ANKRD28: variants seen among roughly 807,000 people sequenced by gnomAD.
ANKRD28 encodes serine/threonine-protein phosphatase 6 regulatory ankyrin repeat subunit A.
A neutral mutation model predicts 126.5 loss-of-function variants in ANKRD28; 44 were observed. That is an observed-to-expected ratio of 0.35 (90% CI 0.27 to 0.45). The LOEUF (loss-of-function observed/expected upper bound fraction) is 0.45, where lower values mean the gene tolerates loss of function less well. ANKRD28 is among the 20% of genes least tolerant of loss of function. The pLI, the probability that ANKRD28 is intolerant of heterozygous loss-of-function variation, is 1.00. For synonymous variants in ANKRD28, 442 were observed against 468.5 expected, an observed-to-expected ratio of 0.94 and a Z score of 0.73; for missense variants, 1,110 against 1,316.6, an observed-to-expected ratio of 0.84 and a Z score of 2.43.
intron 8 of ANKRD28, among the ~76,000 whole-genome samples, chr3:15,720,462 T>C (rs2073594999): frequency 6.6e-6 from 1 of 152,210 alleles, no homozygotes. Context: ...AAACACAACA[T>C]TAACTAGGGT....
chr3:15,684,044 A>G (rs1020710618), intron 21 of ANKRD28: 3 of 152,156 alleles, frequency 2.0e-5, no homozygotes, highest in African/African-American at 7.2e-5. Context: ...CATAATTAAC[A>G]TTAATCTTGA....
At chr3:15,680,935 G>A (rs1337823948) in intron 21 of ANKRD28, among the ~76,000 whole-genome samples, 1 of 152,160 alleles carries the variant, frequency 6.6e-6, no homozygotes, top group Non-Finnish European at 1.5e-5. Context: ...CTAAAATGCT[G>A]GGATTACAGG....
intron 8 of ANKRD28, among the ~76,000 whole-genome samples, chr3:15,718,130 T>C (rs944809776): frequency 6.6e-6 from 1 of 152,174 alleles, no homozygotes; most frequent in African/African-American, 2.4e-5. Context: ...ATATATATTC[T>C]TGCTGGATGA....
chr3:15,765,458 G>T (rs1243547825), intron 3 of ANKRD28, among the ~76,000 whole-genome samples: 1 of 151,878 alleles, frequency 6.6e-6, no homozygotes, highest in South Asian at 2.1e-4. Context: ...TGTTGTATTT[G>T]CTATAAACCA....
chr3:15,715,216 A>G (rs1191133345), intron 8 of ANKRD28, among the ~76,000 whole-genome samples: 1 of 152,202 alleles, frequency 6.6e-6, no homozygotes, highest in Non-Finnish European at 1.5e-5. Flanking sequence ...GATTTAGGTT[A>G]TCTTTTCTTC....
intron 1 of ANKRD28, among the ~76,000 whole-genome samples, chr3:15,835,804 T>C (rs557565830): frequency 6.6e-6 from 1 of 152,242 alleles, no homozygotes; most frequent in East Asian, 1.9e-4. Flanking sequence ...TCAGGGGATA[T>C]AGATGAAAGA....
At chr3:15,840,244 T>G (rs1214417270) in intron 1 of ANKRD28, among the ~76,000 whole-genome samples, 1 of 152,244 alleles carries the variant, frequency 6.6e-6, no homozygotes, top group Non-Finnish European at 1.5e-5. Flanking sequence ...CATTTCTATA[T>G]GCTAACAGCA....
chr3:15,762,649 C>T (rs1444648747), intron 3 of ANKRD28, among the ~76,000 whole-genome samples: 3 of 151,574 alleles, frequency 2.0e-5, no homozygotes, highest in East Asian at 1.9e-4. Flanking sequence ...AAACTGACAG[C>T]GGAGAATTTT....
intron 1 of ANKRD28, among the ~76,000 whole-genome samples, chr3:15,805,700 T>C (rs896017966): frequency 9.9e-5 from 15 of 152,208 alleles, no homozygotes; most frequent in Non-Finnish European, 2.2e-4. Flanking sequence ...TTCTGGTTTT[T>C]ACAATGTGGT....
chr3:15,783,371 A>G (rs2059624171), intron 2 of ANKRD28, among the ~76,000 whole-genome samples: 1 of 152,094 alleles, frequency 6.6e-6, no homozygotes, highest in Admixed American at 6.6e-5. Context: ...GACTGATTAT[A>G]CGAAATATTT....
intron 6 of ANKRD28, among the ~76,000 whole-genome samples, chr3:15,734,715 GA>G (rs1336949368): frequency 1.3e-5 from 2 of 152,162 alleles, no homozygotes; most frequent in African/African-American, 4.8e-5. Flanking sequence ...TTAGCATCCA[GA>G]AGCGAGCATT....
At chr3:15,831,700 C>T (rs2061194512) in intron 1 of ANKRD28, among the ~76,000 whole-genome samples, 1 of 152,154 alleles carries the variant, frequency 6.6e-6, no homozygotes, top group African/African-American at 2.4e-5. Context: ...CCTGCCTTTC[C>T]TAATGTTAAT....
At position 15,812,287 on chromosome 3, in the gene ANKRD28, G is replaced by A. The variant is rs1306463649; in HGVS notation, c.28-16981C>T. ...CCAGCTACTTGGGAGGCTGAGATGG[G>A]AAACTATACCATTATCTTAATTTCA... is the stretch of plus-strand genomic sequence containing the variant. On this transcript the variant is annotated intron_variant, in intron 1 of 27. Transcript: ENST00000399451. This position sits in a 1 kb window ranked among gnomAD's most constrained non-coding sequence, Gnocchi z 4.1. Among the ~76,000 whole-genome samples the A allele has an allele frequency of 6.6e-6, 1 of 150,984 alleles. No individual in the cohort carries two copies. The highest frequency in any genetic ancestry group is 2.4e-5 in the African/African-American group (1 of 41,178).
At chr3:15,840,189 C>G (rs989671397) in intron 1 of ANKRD28, among the ~76,000 whole-genome samples, 1 of 152,156 alleles carries the variant, frequency 6.6e-6, no homozygotes, top group African/African-American at 2.4e-5. Context: ...CTGATAAATT[C>G]AGTAAAGTTG....
chr3:15,719,834 C>T (rs751437554), intron 8 of ANKRD28, among the ~76,000 whole-genome samples: 3 of 151,968 alleles, frequency 2.0e-5, no homozygotes, highest in Admixed American at 6.6e-5. Flanking sequence ...GGATTACAAG[C>T]GTGAGCCAGA....
intron 21 of ANKRD28, among the ~76,000 whole-genome samples, chr3:15,680,561 A>C (rs2067432333): frequency 6.6e-6 from 1 of 152,122 alleles, no homozygotes; most frequent in South Asian, 2.1e-4. Context: ...GTATATCATA[A>C]ATTATTTAAT....
At position 15,696,197 on chromosome 3, in the gene ANKRD28, A is replaced by G. The variant is rs1220336943; in HGVS notation, c.1596T>C (p.Asp532=). The change falls in exon 15 of 28, where the codon GAT becomes GAC. Residue 532 remains aspartate, a synonymous_variant. Coordinates refer to ENST00000683139, the MANE Select transcript of ANKRD28 (RefSeq NM_001349278.2). ...LRNDANPGIR[D]KQGYNAVHYS... ...AATGAACTGCGTTGTATCCTTGCTT[A>G]TCACGGATCCCTGGATTTGCATCGT... 1 of 1,593,446 alleles carries G rather than the reference A, an allele frequency of 6.3e-7. No individual in the cohort carries two copies. The highest frequency in any genetic ancestry group is 1.7e-5 in the Admixed American group (1 of 57,486).
At chr3:15,804,292 T>C (rs1285743688) in intron 1 of ANKRD28, among the ~76,000 whole-genome samples, 2 of 145,376 alleles carry the variant, frequency 1.4e-5, no homozygotes, top group African/African-American at 5.1e-5. Flanking sequence ...AAGTCCATCA[T>C]AGGAAAGAGT....
At chr3:15,744,569 A>C (rs2057350593) in intron 4 of ANKRD28, among the ~76,000 whole-genome samples, 1 of 150,970 alleles carries the variant, frequency 6.6e-6, no homozygotes, top group South Asian at 2.1e-4. Flanking sequence ...TGCCCACCTC[A>C]GCCTCCCAAA....
Sources: allele counts gnomAD v4.1 joint callset (sites outside exome capture counted in the v4.1 genomes callset), GRCh38; gene constraint gnomAD v4.1.1; non-coding constraint Gnocchi (gnomAD v3.1); transcripts MANE v1.5; gene names NCBI Gene and HGNC (gene_info 2026-07-23, HGNC 2026-07-21).